Variants in TSHR observed in about 807,000 individuals in gnomAD.
TSHR encodes the protein thyrotropin receptor.
In TSHR, 51 loss-of-function variants were observed where a neutral mutation model predicts 64.1. The observed-to-expected ratio is 0.80, with a 90% confidence interval of 0.64 to 1.01. The LOEUF is 1.01. Among genes scored for constraint, TSHR ranks in the 50% least tolerant of loss-of-function variants. TSHR has a pLI of 0.00. For missense variants in TSHR, 877 were observed against 942.8 expected (o/e 0.93, Z 0.91); for synonymous variants, 361 against 361.9 (o/e 1.00, Z 0.03).
chr14:81,126,280 A>G (rs1484482015), intron 8 of TSHR, among the ~76,000 whole-genome samples: 1 of 152,238 alleles, frequency 6.6e-6, no homozygotes, highest in Non-Finnish European at 1.5e-5. Context: ...CCTCAAAATC[A>G]TACAAACCTT....
intron 8 of TSHR, among the ~76,000 whole-genome samples, chr14:81,115,032 A>C (rs1201736039): frequency 1.3e-5 from 2 of 152,164 alleles, no homozygotes; most frequent in Non-Finnish European, 2.9e-5. Context: ...CCGTCTGTAC[A>C]TCACCATCAT....
At chr14:81,055,380 C>T (rs1423445011) in intron 1 of TSHR, among the ~76,000 whole-genome samples, 1 of 152,168 alleles carries the variant, frequency 6.6e-6, no homozygotes, top group Non-Finnish European at 1.5e-5. Flanking sequence ...TTGGGGTGGG[C>T]ACCCCCACAC....
chr14:81,000,571 G>A (rs1889257751), intron 1 of TSHR, among the ~76,000 whole-genome samples: 1 of 152,042 alleles, frequency 6.6e-6, no homozygotes, highest in Non-Finnish European at 1.5e-5. Context: ...GCCTACCACT[G>A]GGGTATACTC....
At chr14:81,016,658 G>T (rs1238407070) in intron 1 of TSHR, among the ~76,000 whole-genome samples, 1 of 152,062 alleles carries the variant, frequency 6.6e-6, no homozygotes, top group Admixed American at 6.6e-5. Flanking sequence ...TTTATTGCCT[G>T]TGCTTTGGGG....
intron 1 of TSHR, among the ~76,000 whole-genome samples, chr14:80,990,500 G>A (rs566452161): frequency 1.3e-5 from 2 of 152,218 alleles, no homozygotes; most frequent in African/African-American, 4.8e-5. Context: ...CAGAGTGGAA[G>A]AGGATGCAAA....
intron 8 of TSHR, among the ~76,000 whole-genome samples, chr14:81,111,873 G>T (rs1321375802): frequency 6.6e-6 from 1 of 152,138 alleles, no homozygotes; most frequent in Non-Finnish European, 1.5e-5. Flanking sequence ...AAACATTATA[G>T]CACTTAAAGA....
chr14:80,969,012 G>T (rs1024733508), intron 1 of TSHR, among the ~76,000 whole-genome samples: 1 of 152,132 alleles, frequency 6.6e-6, no homozygotes, highest in Non-Finnish European at 1.5e-5. Flanking sequence ...TGAATGTTAG[G>T]TTACTAGGGT....
At chr14:81,121,894 G>C (rs1022524695) in intron 8 of TSHR, among the ~76,000 whole-genome samples, 1 of 150,586 alleles carries the variant, frequency 6.6e-6, no homozygotes, top group Non-Finnish European at 1.5e-5. Flanking sequence ...AGTGAGCCGA[G>C]ATTGCACCAC....
chr14:81,108,671 T>A, intron 8 of TSHR: 1 of 1,614,076 alleles, frequency 6.2e-7, no homozygotes, highest in Non-Finnish European at 8.5e-7. Context: ...CGCTCCAGTA[T>A]GCCATCATGA....
chr14:81,135,528 G>C (rs1891417502), intron 8 of TSHR, among the ~76,000 whole-genome samples: 1 of 152,212 alleles, frequency 6.6e-6, no homozygotes, highest in Admixed American at 6.5e-5. Context: ...TGGTAGCAAT[G>C]AGAACCATGA....
intron 1 of TSHR, among the ~76,000 whole-genome samples, chr14:80,986,978 G>C (rs1888488895): frequency 6.6e-6 from 1 of 152,158 alleles, no homozygotes; most frequent in Non-Finnish European, 1.5e-5. Context: ...GAAAGTACTT[G>C]AGAATTTTCA....
intron 8 of TSHR, among the ~76,000 whole-genome samples, chr14:81,134,367 C>T (rs1891368978): frequency 6.6e-6 from 1 of 152,120 alleles, no homozygotes; most frequent in African/African-American, 2.4e-5. Flanking sequence ...AACTCCCAAC[C>T]TCAGGTGATC....
intron 1 of TSHR, among the ~76,000 whole-genome samples, chr14:80,958,614 GA>G (rs1402431439): frequency 1.3e-5 from 2 of 152,104 alleles, no homozygotes; most frequent in Non-Finnish European, 2.9e-5. Flanking sequence ...AGGCAAGGAG[GA>G]CAAGAAAGAC....
At chr14:81,082,787 T>C (rs1455508997) in intron 3 of TSHR, among the ~76,000 whole-genome samples, 1 of 152,228 alleles carries the variant, frequency 6.6e-6, no homozygotes, top group African/African-American at 2.4e-5. Context: ...TCTTGGTTTA[T>C]GCTGGTCTGA....
At chr14:80,968,747 C>T (rs1235306146) in intron 1 of TSHR, among the ~76,000 whole-genome samples, 1 of 152,154 alleles carries the variant, frequency 6.6e-6, no homozygotes, top group Non-Finnish European at 1.5e-5. Flanking sequence ...CAGTGAATTC[C>T]CTGCATTCTA....
chr14:81,026,303 A>G (rs927031626), intron 1 of TSHR, among the ~76,000 whole-genome samples: 2 of 152,232 alleles, frequency 1.3e-5, no homozygotes, highest in African/African-American at 2.4e-5. Context: ...GGATGAGTAA[A>G]GAAAGATTAC....
intron 3 of TSHR, among the ~76,000 whole-genome samples, chr14:81,071,711 T>C (rs186345605): frequency 1.8e-3 from 280 of 152,278 alleles, no homozygotes; most frequent in Non-Finnish European, 3.1e-3. Flanking sequence ...CAGTGAGCTA[T>C]GATCACACCA....
At chr14:81,122,957 C>A (rs144419918) in intron 8 of TSHR, among the ~76,000 whole-genome samples, 1,532 of 152,168 alleles carry the variant, frequency 0.01, 26 homozygotes, top group African/African-American at 0.034. Context: ...GAAACGCCGT[C>A]TCTACTGAAA....
chr14:81,051,913 T>C (rs1486849644), intron 1 of TSHR: 1 of 152,150 alleles, frequency 6.6e-6, no homozygotes, highest in Admixed American at 6.6e-5. Context: ...TTGAGTTCCT[T>C]ATATATTTTT....
Sources: gnomAD v4.1 joint callset for allele counts (sites outside exome capture counted in the v4.1 genomes callset) on GRCh38, gnomAD v4.1.1 for gene constraint, MANE v1.5 for transcripts, NCBI Gene and HGNC (gene_info 2026-07-23, HGNC 2026-07-21) for gene names.